Variants in GUSB observed in about 807,000 individuals in gnomAD.
GUSB encodes the protein glucuronidase beta.
GUSB carries 51 observed loss-of-function variants against 74.6 expected under a neutral mutation model. The ratio of observed to expected loss-of-function variants is 0.68; its 90% CI spans 0.55 to 0.86. The LOEUF is 0.86. GUSB is among the 40% of genes least tolerant of loss of function. The pLI is 0.00. For missense variants in GUSB, 736 were observed against 853.7 expected, an observed-to-expected ratio of 0.86 and a Z score of 1.72; for synonymous variants, 360 against 348.3, an observed-to-expected ratio of 1.03 and a Z score of -0.37.
chr7:65,961,203 C>T (rs946593000), intron 11 of GUSB, 140 bp from the exon 12 acceptor site: 20 of 814,046 alleles, frequency 2.5e-5, no homozygotes, highest in East Asian at 1.3e-4. Context: ...GGCTGGAATG[C>T]GGTGACACAA....
intron 9 of GUSB, among the ~76,000 whole-genome samples, chr7:65,969,286 G>A (rs1791043555): frequency 6.6e-6 from 1 of 152,136 alleles, no homozygotes; most frequent in Non-Finnish European, 1.5e-5. Flanking sequence ...GGAGGCCGAG[G>A]CAGAATTGCT....
intron 8 of GUSB, among the ~76,000 whole-genome samples, chr7:65,973,363 C>T (rs1214317322): frequency 1.3e-5 from 2 of 152,118 alleles, no homozygotes; most frequent in African/African-American, 4.8e-5. Flanking sequence ...CCGAGGCAGG[C>T]GGATCATGAG....
intron 11 of GUSB, among the ~76,000 whole-genome samples, chr7:65,962,689 A>T (rs1269577049): frequency 6.6e-6 from 1 of 151,978 alleles, no homozygotes; most frequent in South Asian, 2.1e-4. Context: ...CCTGACCAAC[A>T]TGGAGAAACC....
chr7:65,977,793 A>G lies in GUSB; in HGVS notation c.725-1591T>C, dbSNP rs114482419. ...GTGCAAGCCTCATCTCAGAAAAAGAAAAAGATATATATATATTTTTTTATT... is the reference window on the plus strand; with the variant it reads ...GTGCAAGCCTCATCTCAGAAAAAGAGAAAGATATATATATATTTTTTTATT... On this transcript the variant is annotated intron_variant, in intron 4 of 11. Transcript: ENST00000304895. Among the ~76,000 whole-genome samples, 1,144 of 151,920 alleles carry G rather than the reference A, an allele frequency of 7.5e-3. 15 individuals carry two copies. The highest frequency in any genetic ancestry group is 0.026 in the African/African-American group (1,078 of 41,470).
At chr7:65,965,643 C>T (rs1485625102) in intron 10 of GUSB, among the ~76,000 whole-genome samples, 13 of 152,190 alleles carry the variant, frequency 8.5e-5, no homozygotes, top group Non-Finnish European at 2.9e-5. Flanking sequence ...AATCCTCCCA[C>T]CTCAGCCTCC....
At chr7:65,968,774 A>C (rs1791010952) in intron 9 of GUSB, among the ~76,000 whole-genome samples, 1 of 152,094 alleles carries the variant, frequency 6.6e-6, no homozygotes, top group Non-Finnish European at 1.5e-5. Context: ...TTTTGGTAGA[A>C]ATGAAGTTTC....
At chr7:65,965,694 TAA>T (rs1790787413) in intron 10 of GUSB, among the ~76,000 whole-genome samples, 1 of 152,086 alleles carries the variant, frequency 6.6e-6, no homozygotes, top group Non-Finnish European at 1.5e-5. Context: ...CATGCCCAAC[TAA>T]TTTTAAATTT....
In GUSB at chr7:65,967,767, G is replaced by A. The variant is rs377519272; in HGVS notation, c.1617C>T (p.Ser539=). The A allele has an allele frequency of 7.3e-5, 117 of 1,613,440 alleles. No homozygotes were observed. The highest frequency in any genetic ancestry group is 9.7e-5 in the Non-Finnish European group (114 of 1,179,856). ...YKKYQKPIIQ[S]EYGAETIAGF... ...CTGCAATCGTTTCTGCTCCATACTC[G>A]CTCTGAATAATGGGCTTCTGATACT... is the stretch of plus-strand genomic sequence containing the variant. The change falls in exon 10 of 12, where the codon AGC becomes AGT. Residue 539 remains serine, a synonymous_variant. Transcript: ENST00000304895.
Position 65,967,721 on chromosome 7 carries a change from CACTGCTTA to C in GUSB, c.1653+2_1653+9del. On this transcript the variant is annotated splice_donor_variant and splice_donor_5th_base_variant and intron_variant, in intron 10 of 11. Transcript: ENST00000304895. LOFTEE classifies it high-confidence loss of function. ...GAGAACACACAAGCAGAAAGCTCAA[CACTGCTTA>C]CCTGGTGAAACCCTGCAATCGTTTC... is the stretch of plus-strand genomic sequence containing the variant. 6.2e-7 allele frequency: 1 copy of C among 1,611,104 alleles called. No homozygotes were observed. Among genetic ancestry groups the C allele is most frequent in the Non-Finnish European group, 8.5e-7 (1 of 1,177,822 alleles).
intron 2 of GUSB, 39 bp downstream of exon 2, chr7:65,980,185 G>GGGGGGGGGC: frequency 2.8e-6 from 2 of 725,274 alleles, no homozygotes; most frequent in Non-Finnish European, 2.4e-6. Context: ...CAGCAGCCGT[G>GGGGGGGGGC]CCCCCCCACC....
chr7:65,977,529 TTC>T (rs1791662522), intron 4 of GUSB, among the ~76,000 whole-genome samples: 1 of 152,114 alleles, frequency 6.6e-6, no homozygotes, highest in South Asian at 2.1e-4. Context: ...CTTTTTTAAA[TTC>T]TTTTTTATTC....
chr7:65,965,323 G>A (rs571175222), intron 10 of GUSB, among the ~76,000 whole-genome samples: 1 of 151,690 alleles, frequency 6.6e-6, no homozygotes, highest in South Asian at 2.1e-4. Context: ...AGGATCGCTT[G>A]AGCCCAGGAG....
chr7:65,960,840 C>T lies in GUSB; in HGVS notation c.*57G>A. 6.9e-7 allele frequency: 1 copy of T among 1,445,038 alleles called. No individual in the cohort carries two copies. The highest frequency in any genetic ancestry group is 9.7e-7 in the Non-Finnish European group (1 of 1,026,262). The allele number at this position is 1,445,038 out of a possible 1,614,324, so 89.5% of individuals were successfully genotyped here. On this transcript the variant is annotated 3_prime_UTR_variant, in exon 12 of 12. Transcript: ENST00000304895. ...AGTCCAGGAGGCACTTGTTCTGCTG[C>T]TGTGGAAGTCGCCCTGACTCGGGGA... is the stretch of plus-strand genomic sequence containing the variant.
In GUSB at chr7:65,961,075, A is replaced by C; in HGVS notation, c.1790-12T>G. On this transcript the variant is annotated splice_polypyrimidine_tract_variant and intron_variant, in intron 11 of 11. Coordinates refer to ENST00000304895, the MANE Select transcript of GUSB (RefSeq NM_000181.4). ...CACTCTCGTCGGTGCTACAAAAAAA[A>C]AAAAAAGACACAAAGCGATTCAGAT... is the stretch of plus-strand genomic sequence containing the variant. The C allele has an allele frequency of 6.2e-7, 1 of 1,613,780 alleles. No individual in the cohort carries two copies. The highest frequency in any genetic ancestry group is 2.2e-5 in the East Asian group (1 of 44,892).
chr7:65,971,256 G>A (rs1490512351), intron 8 of GUSB, among the ~76,000 whole-genome samples: 1 of 152,196 alleles, frequency 6.6e-6, no homozygotes, highest in East Asian at 1.9e-4. Flanking sequence ...GCTCAGCAGT[G>A]ACTCAAATCT....
At chr7:65,973,121 A>G (rs1791323307) in intron 8 of GUSB, among the ~76,000 whole-genome samples, 1 of 152,144 alleles carries the variant, frequency 6.6e-6, no homozygotes, top group Non-Finnish European at 1.5e-5. Flanking sequence ...ACTAGAGGCC[A>G]GGAGTTCCAC....
chr7:65,960,884 G>C lies in GUSB; in HGVS notation c.*13C>G, dbSNP rs747928978. On this transcript the variant is annotated 3_prime_UTR_variant, in exon 12 of 12. Transcript: ENST00000304895. ...TCGGGGAGGAAGGGACACGCAGGTG[G>C]TATCAGTCTTGCTCAAGTAAACAGG... The C allele has an allele frequency of 1.9e-6, 3 of 1,611,206 alleles. No homozygotes were observed. Among genetic ancestry groups the C allele is most frequent in the African/African-American group, 1.3e-5 (1 of 74,972 alleles).
chr7:65,979,561 G>C lies in GUSB; in HGVS notation c.582-20C>G, dbSNP rs1791843574. Reference sequence around the variant, plus strand: ...GGATACCTAGGATGGGAGGACTGTGGTTTGCTGGGCCCTTGCTCTGGGTCC... The same window carrying C: ...GGATACCTAGGATGGGAGGACTGTGCTTTGCTGGGCCCTTGCTCTGGGTCC... On this transcript the variant is annotated intron_variant, in intron 3 of 11. Coordinates refer to ENST00000304895, the MANE Select transcript of GUSB (RefSeq NM_000181.4). 6.2e-7 allele frequency: 1 copy of C among 1,614,052 alleles called. No homozygotes were observed. Among genetic ancestry groups the C allele is most frequent in the Non-Finnish European group, 8.5e-7 (1 of 1,179,942 alleles).
Position 65,967,873 on chromosome 7 carries a change from T to C in GUSB, c.1511A>G (p.Tyr504Cys), listed in dbSNP as rs768343264. The C allele has an allele frequency of 4.4e-6, 7 of 1,603,724 alleles. No homozygotes were observed. Among genetic ancestry groups the C allele is most frequent in the South Asian group, 3.3e-5 (3 of 91,074 alleles). ...CCCGTAGTCGTGATACCAAGAGTAG[T>C]AGCTGTTCAAACAGATCACATCCAC... ...PYVDVICLNS[Y>C]YSWYHDYGHL... The change falls in exon 10 of 12, where the codon TAC becomes TGC. Residue 504 changes from tyrosine to cysteine, a missense_variant. Around this residue, in one of 2 missense-constraint regions of GUSB, gnomAD observed 368 missense variants for 489.9 expected, o/e 0.75. Coordinates refer to ENST00000304895, the MANE Select transcript of GUSB (RefSeq NM_000181.4).
Sources: gnomAD v4.1 joint callset for allele counts (sites outside exome capture counted in the v4.1 genomes callset) on GRCh38, gnomAD v4.1.1 for gene constraint, gnomAD v4.1.1 regional missense constraint, MANE v1.5 for transcripts, NCBI Gene and HGNC (gene_info 2026-07-23, HGNC 2026-07-21) for gene names.